The following ADAMTS17 variants were observed in gnomAD, a reference collection of about 807,000 sequenced individuals.
ADAMTS17 encodes the protein ADAM metallopeptidase with thrombospondin type 1 motif 17, also known as A disintegrin and metalloproteinase with thrombospondin motifs 17.
ADAMTS17 carries 113 observed loss-of-function variants against 141.5 expected under a neutral mutation model. The observed-to-expected ratio is 0.80, with a 90% CI of 0.69 to 0.93. ADAMTS17 has a LOEUF of 0.93. Ranked by LOEUF, ADAMTS17 falls within the 40% of genes least tolerant of loss-of-function variation. The pLI is 0.00. For missense variants in ADAMTS17, 1,659 were observed against 1,517.9 expected (o/e 1.09, Z -1.54); for synonymous variants, 768 against 630.6 (o/e 1.22, Z -3.27).
chr15:100,245,607 G>C (rs1370098026), intron 7 of ADAMTS17, among the ~76,000 whole-genome samples: 2 of 152,148 alleles, frequency 1.3e-5, no homozygotes, highest in South Asian at 2.1e-4. Context: ...CACAACCCTG[G>C]CAGGAAGAAC....
chr15:100,144,578 C>G (rs1376134494), intron 10 of ADAMTS17, among the ~76,000 whole-genome samples: 1 of 151,932 alleles, frequency 6.6e-6, no homozygotes, highest in African/African-American at 2.4e-5. Flanking sequence ...GATTCCTAAT[C>G]ACAGTGGCAG....
chr15:100,107,100 G>A (rs980449868), intron 14 of ADAMTS17, among the ~76,000 whole-genome samples: 7 of 152,288 alleles, frequency 4.6e-5, no homozygotes, highest in African/African-American at 1.7e-4. Flanking sequence ...AGACTGATTT[G>A]GCCTTAGCAG....
intron 3 of ADAMTS17, among the ~76,000 whole-genome samples, chr15:100,325,762 G>A (rs1357444793): frequency 6.6e-6 from 1 of 152,146 alleles, no homozygotes; most frequent in Non-Finnish European, 1.5e-5. Flanking sequence ...TATGCTTTAT[G>A]TAGACGCTGC....
intron 7 of ADAMTS17, among the ~76,000 whole-genome samples, chr15:100,201,105 A>G (rs1397846698): frequency 6.6e-6 from 1 of 152,128 alleles, no homozygotes; most frequent in East Asian, 1.9e-4. Flanking sequence ...CTGATGTCCA[A>G]ATCAAACTGG....
intron 18 of ADAMTS17, among the ~76,000 whole-genome samples, chr15:100,039,640 A>G (rs2031067131): frequency 6.6e-6 from 1 of 152,152 alleles, no homozygotes; most frequent in Non-Finnish European, 1.5e-5. Context: ...TGTGCTTGTT[A>G]GATTTATTTA....
At chr15:100,180,077 G>A (rs1482002343) in intron 8 of ADAMTS17, among the ~76,000 whole-genome samples, 1 of 152,090 alleles carries the variant, frequency 6.6e-6, no homozygotes, top group Non-Finnish European at 1.5e-5. Context: ...GTTCCTGTGG[G>A]GTATCACTCA....
At chr15:100,015,621 A>G (rs895116425) in intron 18 of ADAMTS17, among the ~76,000 whole-genome samples, 5 of 152,106 alleles carry the variant, frequency 3.3e-5, no homozygotes, top group African/African-American at 1.2e-4. Flanking sequence ...TCCTTCATAT[A>G]TGATGCTTAC....
chr15:100,120,872 G>A (rs958560571), intron 12 of ADAMTS17, among the ~76,000 whole-genome samples: 15 of 152,204 alleles, frequency 9.9e-5, no homozygotes, highest in African/African-American at 2.7e-4. Flanking sequence ...ATGTATTGGC[G>A]GAGCCTGTCC....
chr15:100,227,091 C>A (rs1366636737), intron 7 of ADAMTS17, among the ~76,000 whole-genome samples: 1 of 152,186 alleles, frequency 6.6e-6, no homozygotes. Context: ...AAACCCTACC[C>A]ACAGCCTCAG....
At chr15:100,121,290 G>C (rs1360180665) in intron 12 of ADAMTS17, among the ~76,000 whole-genome samples, 2 of 152,316 alleles carry the variant, frequency 1.3e-5, no homozygotes, top group East Asian at 3.9e-4. Context: ...GAGATTATTT[G>C]AAGAAATAAT....
intron 6 of ADAMTS17, 130 bp from the exon 7 acceptor site, chr15:100,254,309 T>C (rs560706423): frequency 2.4e-6 from 2 of 847,330 alleles, no homozygotes; most frequent in South Asian, 1.5e-5. Context: ...CCACAGCGAA[T>C]GATAACAAAC....
intron 3 of ADAMTS17, among the ~76,000 whole-genome samples, chr15:100,297,435 G>A (rs2044862699): frequency 6.6e-6 from 1 of 152,156 alleles, no homozygotes; most frequent in Non-Finnish European, 1.5e-5. Context: ...CATGGGCCAA[G>A]GTGAAAACGG....
chr15:100,204,910 C>T (rs77610240), intron 7 of ADAMTS17, among the ~76,000 whole-genome samples: 3,558 of 152,310 alleles, frequency 0.023, 136 homozygotes, highest in African/African-American at 0.081. Flanking sequence ...AGACTTTCCC[C>T]TTGGCAATTA....
chr15:100,186,997 T>C (rs1487433148), intron 8 of ADAMTS17, among the ~76,000 whole-genome samples: 1 of 152,226 alleles, frequency 6.6e-6, no homozygotes, highest in African/African-American at 2.4e-5. Context: ...TCCACAATTA[T>C]CAATGTGGTC....
chr15:100,137,519 C>T (rs950749733), intron 10 of ADAMTS17, among the ~76,000 whole-genome samples: 12 of 152,102 alleles, frequency 7.9e-5, no homozygotes, highest in Admixed American at 5.9e-4. Context: ...GGAAGCCAGG[C>T]ACCCTAAAGA....
At chr15:100,243,981 T>G (rs1340729342) in intron 7 of ADAMTS17, among the ~76,000 whole-genome samples, 1 of 152,024 alleles carries the variant, frequency 6.6e-6, no homozygotes, top group African/African-American at 2.4e-5. Flanking sequence ...ATTCTCACAC[T>G]GCTAATAAAG....
rs376788041 is a variant in ADAMTS17 at position 100,100,666 on chromosome 15, T to A, written c.2017-4190A>T. Among the ~76,000 whole-genome samples, 79 of 152,306 alleles carry A rather than the reference T, an allele frequency of 5.2e-4. 2 individuals are homozygous for A. Among genetic ancestry groups the A allele is most frequent in the African/African-American group, 1.7e-3 (72 of 41,576 alleles). Reference sequence around the variant, plus strand: ...CTCTGTTGCCTACTTCTCCTCCATGTTCAGCTCCACTCCCTAGTTTACACC... The same window carrying A: ...CTCTGTTGCCTACTTCTCCTCCATGATCAGCTCCACTCCCTAGTTTACACC... On this transcript the variant is annotated intron_variant, in intron 14 of 21. Coordinates refer to ENST00000268070, the MANE Select transcript of ADAMTS17 (RefSeq NM_139057.4).
At chr15:100,025,823 TTGTGTTTTC>T (rs1271287859) in intron 18 of ADAMTS17, among the ~76,000 whole-genome samples, 21 of 152,342 alleles carry the variant, frequency 1.4e-4, no homozygotes, top group African/African-American at 3.4e-4. Context: ...GTATATTTTA[TTGTGTTTTC>T]TGTGTTTTTT....
chr15:100,090,293 A>G (rs1314106459), intron 15 of ADAMTS17, among the ~76,000 whole-genome samples: 1 of 152,210 alleles, frequency 6.6e-6, no homozygotes, highest in Non-Finnish European at 1.5e-5. Context: ...TCAAACTACC[A>G]AACATACCTG....
Sources: allele counts gnomAD v4.1 joint callset (sites outside exome capture counted in the v4.1 genomes callset), GRCh38; gene constraint gnomAD v4.1.1; transcripts MANE v1.5; gene names NCBI Gene and HGNC (gene_info 2026-07-23, HGNC 2026-07-21).